Variants in SASH1 observed in about 807,000 individuals in gnomAD.
SASH1 encodes the protein SAM and SH3 domain-containing protein 1.
In SASH1, 44 loss-of-function variants were observed where a neutral mutation model predicts 125.2. That is an observed-to-expected ratio of 0.35 (90% CI 0.28 to 0.45). SASH1 has a LOEUF of 0.45. SASH1 is among the 20% of genes least tolerant of loss of function. The probability of loss-of-function intolerance (pLI) is 1.00; values close to 1 mark genes in which losing one functional copy is unlikely to be tolerated. For synonymous variants in SASH1, 639 were observed against 649.1 expected, an observed-to-expected ratio of 0.98 and a Z score of 0.24; for missense variants, 1,426 against 1,614.5, an observed-to-expected ratio of 0.88 and a Z score of 2.00.
chr6:148,518,687 C>T (rs1405607582), intron 9 of SASH1, among the ~76,000 whole-genome samples: 1 of 152,204 alleles, frequency 6.6e-6, no homozygotes, highest in Non-Finnish European at 1.5e-5. Context: ...GGGATCGCTA[C>T]ACCCACAGTT....
At position 148,529,502 on chromosome 6, in the gene SASH1, G is replaced by A. The variant is rs540941813; in HGVS notation, c.1428+1906G>A. Reference sequence around the variant, plus strand: ...TGAAGCAGTCAGCATGCTAGTGAGAGCATGCTACTAATTGAAAGCATTTTA... The same window carrying A: ...TGAAGCAGTCAGCATGCTAGTGAGAACATGCTACTAATTGAAAGCATTTTA... On this transcript the variant is annotated intron_variant, in intron 12 of 19. Coordinates refer to ENST00000367467, the MANE Select transcript of SASH1 (RefSeq NM_015278.5). The surrounding 1 kb of genome is among the most constrained non-coding windows in gnomAD (Gnocchi z 4.2). Among the ~76,000 whole-genome samples the A allele has an allele frequency of 4.2e-4, 64 of 152,280 alleles. No individual in the cohort carries two copies. Among genetic ancestry groups the A allele is most frequent in the Middle Eastern group, 6.8e-3 (2 of 294 alleles).
the SASH1 span, among the ~76,000 whole-genome samples, chr6:148,224,926 G>T: frequency 2.8e-4 from 43 of 152,332 alleles, no homozygotes; most frequent in East Asian, 7.7e-3. Flanking sequence ...CTGGGCCTTT[G>T]TATAGGTGAC....
chr6:148,286,349 C>T (rs1562306556), intron 1 of SASH1, among the ~76,000 whole-genome samples: 1 of 151,044 alleles, frequency 6.6e-6, no homozygotes, highest in Non-Finnish European at 1.5e-5. Context: ...TGCTGTGAGC[C>T]GAGATGGTGC....
chr6:148,527,682 T>C, intron 12 of SASH1, 86 bp downstream of exon 12: 3 of 1,282,986 alleles, frequency 2.3e-6, no homozygotes, highest in Non-Finnish European at 3.3e-6. Flanking sequence ...TAAATGGTGC[T>C]AAATACACAT....
intron 1 of SASH1, among the ~76,000 whole-genome samples, chr6:148,304,790 G>A (rs111448148): frequency 0.038 from 5,745 of 152,204 alleles, 139 homozygotes; most frequent in Middle Eastern, 0.068. Flanking sequence ...CACTTTGGGA[G>A]GCCGAGGCAG....
chr6:148,433,626 G>C (rs1293599898), intron 2 of SASH1, among the ~76,000 whole-genome samples: 1 of 151,706 alleles, frequency 6.6e-6, no homozygotes, highest in Non-Finnish European at 1.5e-5. Flanking sequence ...GGCTGGTCTT[G>C]AACTACTGAT....
At chr6:148,223,271 C>T in the SASH1 span, among the ~76,000 whole-genome samples, 2 of 152,088 alleles carry the variant, frequency 1.3e-5, no homozygotes, top group Non-Finnish European at 2.9e-5. Flanking sequence ...TATCTGTGAC[C>T]CCCCTCAGAG....
chr6:148,238,346 C>T, the SASH1 span, among the ~76,000 whole-genome samples: 1 of 152,034 alleles, frequency 6.6e-6, no homozygotes, highest in East Asian at 1.9e-4. Flanking sequence ...ACCTCAGTCT[C>T]CCAAGTAGCT....
At chr6:148,548,033 G>A (rs999904120) in intron 19 of SASH1, among the ~76,000 whole-genome samples, 1 of 152,206 alleles carries the variant, frequency 6.6e-6, no homozygotes, top group Admixed American at 6.5e-5. Flanking sequence ...AATGCTTATA[G>A]TTTGAAGACT....
At position 148,529,414 on chromosome 6, in the gene SASH1, C is replaced by G. The variant is rs1406600997; in HGVS notation, c.1428+1818C>G. On this transcript the variant is annotated intron_variant, in intron 12 of 19. Coordinates refer to ENST00000367467, the MANE Select transcript of SASH1 (RefSeq NM_015278.5). This position sits in a 1 kb window ranked among gnomAD's most constrained non-coding sequence, Gnocchi z 4.2. The stretch of plus-strand genomic sequence containing the variant: ...TTATCCATGATTTTTTTTCTTTATT[C>G]TTTTCATTCTCTTGTCCTTGTGGGT... Among the ~76,000 whole-genome samples, 1 of 152,088 alleles carries G rather than the reference C, an allele frequency of 6.6e-6. No individual in the cohort carries two copies. The highest frequency in any genetic ancestry group is 1.5e-5 in the Non-Finnish European group (1 of 67,992).
intron 1 of SASH1, among the ~76,000 whole-genome samples, chr6:148,365,816 A>C (rs1782425193): frequency 1.3e-5 from 2 of 152,016 alleles, no homozygotes; most frequent in South Asian, 4.2e-4. Flanking sequence ...TCTACAAAAA[A>C]AAAATACAAA....
chr6:148,229,150 A>AAAC, the SASH1 span, among the ~76,000 whole-genome samples: 4 of 144,248 alleles, frequency 2.8e-5, no homozygotes, highest in East Asian at 7.9e-4. Flanking sequence ...AAAAAAAAAA[A>AAAC]AAAAAAACAC....
At chr6:148,324,366 C>G (rs1025975324) in intron 1 of SASH1, among the ~76,000 whole-genome samples, 1 of 152,120 alleles carries the variant, frequency 6.6e-6, no homozygotes, top group South Asian at 2.1e-4. Flanking sequence ...AAACTGGACT[C>G]ATTCTTTTCC....
intron 1 of SASH1, among the ~76,000 whole-genome samples, chr6:148,351,574 T>C (rs1426308350): frequency 6.6e-6 from 1 of 151,112 alleles, no homozygotes; most frequent in Non-Finnish European, 1.5e-5. Flanking sequence ...AAGAATCACA[T>C]GATTTTTAAG....
rs777837295 is a variant in SASH1 at position 148,544,470 on chromosome 6, C to T, written c.3000C>T (p.Leu1000=). The T allele has an allele frequency of 5.1e-5, 83 of 1,614,036 alleles. No individual in the cohort carries two copies. Among genetic ancestry groups the T allele is most frequent in the Admixed American group, 8.3e-5 (5 of 60,006 alleles). Residue 1000 remains leucine, a synonymous_variant, in exon 18 of 20, where the codon CTC becomes CTT. Transcript: ENST00000367467. This position sits in a 1 kb window ranked among gnomAD's most constrained non-coding sequence, Gnocchi z 6.4. ...KKSRERLANG[L]HPVPMGPSGA... ...GCAGAGAACGCCTTGCTAACGGACT[C>T]CACCCTGTTCCCATGGGCCCCAGTG...
In SASH1 at chr6:148,549,608, C is replaced by A; in HGVS notation, c.*1050C>A. On this transcript the variant is annotated 3_prime_UTR_variant, in exon 20 of 20. Coordinates refer to ENST00000367467, the MANE Select transcript of SASH1 (RefSeq NM_015278.5). ...GAGGCTGCATATTTCAGAAAGATGT[C>A]CTTAATAAGGGAAGTCATGTATAAG... 1 of 398,838 alleles carries A rather than the reference C, an allele frequency of 2.5e-6. No homozygotes were observed. Among genetic ancestry groups the A allele is most frequent in the Non-Finnish European group, 4.4e-6 (1 of 225,996 alleles). 24.7% of individuals were successfully genotyped at this position (398,838 alleles called of 1,614,324 possible).
chr6:148,514,486 A>AAAAAAAT, intron 9 of SASH1, 30 bp downstream of exon 9: 1 of 1,217,664 alleles, frequency 8.2e-7, no homozygotes, highest in Non-Finnish European at 1.1e-6. Context: ...AAAAAAAAAA[A>AAAAAAAT]GGCAGACTCC....
Position 148,536,385 on chromosome 6 carries a change from G to C in SASH1, c.2095+1484G>C, listed in dbSNP as rs561880462. Among the ~76,000 whole-genome samples the C allele has an allele frequency of 1.4e-4, 22 of 152,340 alleles. No individual in the cohort carries two copies. The East Asian group carries it at 4.2e-3, about 29-fold the overall frequency. On this transcript the variant is annotated intron_variant, in intron 16 of 19. Coordinates refer to ENST00000367467, the MANE Select transcript of SASH1 (RefSeq NM_015278.5). Reference sequence around the variant, plus strand: ...ACAGAATTTCACTCTCGTTGCCCAAGCTGGAGTGCAGTGGTGCGATCTTGG... The same window carrying C: ...ACAGAATTTCACTCTCGTTGCCCAACCTGGAGTGCAGTGGTGCGATCTTGG...
intron 8 of SASH1, among the ~76,000 whole-genome samples, chr6:148,498,531 C>T (rs989900446): frequency 2.0e-5 from 3 of 152,096 alleles, no homozygotes; most frequent in South Asian, 2.1e-4. Context: ...AGATAGATTA[C>T]GGATACAATT....
Sources: gnomAD v4.1 joint callset for allele counts (sites outside exome capture counted in the v4.1 genomes callset) on GRCh38, gnomAD v4.1.1 for gene constraint, Gnocchi (gnomAD v3.1) non-coding constraint, MANE v1.5 for transcripts, NCBI Gene and HGNC (gene_info 2026-07-23, HGNC 2026-07-21) for gene names.